The following ANXA13 variants were observed in gnomAD, a reference collection of about 807,000 sequenced individuals.
The protein encoded by ANXA13 is annexin XIII.
ANXA13 carries 36 observed loss-of-function variants against 46.6 expected under a neutral mutation model. The observed-to-expected ratio is 0.77, with a 90% confidence interval of 0.59 to 1.02. The LOEUF (loss-of-function observed/expected upper bound fraction) is 1.02. ANXA13 is among the 50% of genes least tolerant of loss of function. The pLI, the probability that ANXA13 is intolerant of heterozygous loss-of-function variation, is 0.00. For missense variants in ANXA13, 417 were observed against 396.5 expected (o/e 1.05, Z -0.44); for synonymous variants, 163 against 152.9 (o/e 1.07, Z -0.49).
rs200635935 is a variant in ANXA13 at position 123,698,604 on chromosome 8, A to T, written c.187-45T>A. 9 of 1,598,250 alleles carry T rather than the reference A, an allele frequency of 5.6e-6. No homozygotes were observed. The Admixed American group carries it at 1.3e-4, about 24-fold the overall frequency. ...GACGTGCTGGGAATGGCCCAGGAGG[A>T]GAGGGGCAGGTGTCTGCTTGCACTA... On this transcript the variant is annotated intron_variant, in intron 3 of 10. Transcript: ENST00000419625.
At chr8:123,703,252 C>A (rs968649392) in intron 2 of ANXA13, among the ~76,000 whole-genome samples, 1 of 151,620 alleles carries the variant, frequency 6.6e-6, no homozygotes, top group Admixed American at 6.6e-5. Context: ...AGAAGTCAAT[C>A]ATAGCAGATC....
At chr8:123,698,939 G>A (rs1229290170) in intron 3 of ANXA13, among the ~76,000 whole-genome samples, 1 of 152,172 alleles carries the variant, frequency 6.6e-6, no homozygotes, top group East Asian at 1.9e-4. Flanking sequence ...AGCTAGGAAG[G>A]GCTGAAATAC....
Position 123,681,125 on chromosome 8 carries a change from A to C in ANXA13, c.*115T>G. ...GGCTGCGCCACTTAAGCTGCCAAGA[A>C]AGTAATCCGGGACTCTTAAGGGTTT... On this transcript the variant is annotated 3_prime_UTR_variant, in exon 11 of 11. Coordinates refer to ENST00000419625, the MANE Select transcript of ANXA13 (RefSeq NM_004306.4). The C allele has an allele frequency of 7.2e-7, 1 of 1,391,394 alleles. No individual in the cohort carries two copies. The highest frequency in any genetic ancestry group is 9.6e-7 in the Non-Finnish European group (1 of 1,044,042). The allele number at this position is 1,391,394 out of a possible 1,614,324, so 86.2% of individuals were successfully genotyped here. A position where few individuals can be genotyped will look rare whatever the true frequency, so the allele number is the denominator to read the frequency against.
chr8:123,686,459 TAA>T (rs750752983), intron 9 of ANXA13, among the ~76,000 whole-genome samples: 6 of 124,876 alleles, frequency 4.8e-5, no homozygotes, highest in East Asian at 2.2e-4. Context: ...AACTGTGTCT[TAA>T]AAAAAAAAAA....
rs2129807803 is a variant in ANXA13 at position 123,681,439 on chromosome 8, A to C, written c.832-80T>G. On this transcript the variant is annotated intron_variant, in intron 10 of 10. Transcript: ENST00000419625. Reference sequence around the variant, plus strand: ...CAGTGGGCACTGTTCTACACATGTTATACTCATTTGCTCATTCATGCCTTA... The same window carrying C: ...CAGTGGGCACTGTTCTACACATGTTCTACTCATTTGCTCATTCATGCCTTA... 4 of 1,413,928 alleles carry C rather than the reference A, an allele frequency of 2.8e-6. 1 individual carries two copies. The South Asian group carries it at 5.6e-5, about 20-fold the overall frequency. The allele number at this position is 1,413,928 out of a possible 1,614,324, so 87.6% of individuals were successfully genotyped here.
chr8:123,705,303 G>A (rs17342215), intron 2 of ANXA13, among the ~76,000 whole-genome samples: 2 of 152,112 alleles, frequency 1.3e-5, no homozygotes, highest in South Asian at 4.1e-4. Context: ...TGGGAAGCTC[G>A]CATGTGTTCA....
chr8:123,707,072 C>T (rs1019969532), intron 2 of ANXA13, among the ~76,000 whole-genome samples: 1 of 152,210 alleles, frequency 6.6e-6, no homozygotes. Flanking sequence ...TGGCAAATTC[C>T]ACGGGAGCAG....
chr8:123,713,891 G>T (rs562615653), intron 1 of ANXA13, among the ~76,000 whole-genome samples: 1 of 152,132 alleles, frequency 6.6e-6, no homozygotes, highest in East Asian at 1.9e-4. Context: ...ATGGGGTTTT[G>T]CCATGTTTCC....
chr8:123,704,651 C>A (rs1199262264), intron 2 of ANXA13, among the ~76,000 whole-genome samples: 1 of 152,156 alleles, frequency 6.6e-6, no homozygotes, highest in Non-Finnish European at 1.5e-5. Flanking sequence ...CCTGCCTCAG[C>A]CTCTTAAAGT....
intron 1 of ANXA13, among the ~76,000 whole-genome samples, chr8:123,720,657 C>CGTGTGTGTGTGTGTGT (rs34135339): frequency 3.5e-5 from 5 of 141,522 alleles, no homozygotes; most frequent in Admixed American, 2.9e-4. Flanking sequence ...CCTGTGTCCC[C>CGTGTGTGTGTGTGTGT]GTGTGTGTGT....
At chr8:123,733,767 G>T (rs1437909146) in intron 1 of ANXA13, among the ~76,000 whole-genome samples, 1 of 152,116 alleles carries the variant, frequency 6.6e-6, no homozygotes, top group Non-Finnish European at 1.5e-5. Flanking sequence ...GAGCCACCTG[G>T]GGAGCACTTA....
intron 1 of ANXA13, among the ~76,000 whole-genome samples, chr8:123,721,242 C>T (rs1015693779): frequency 4.6e-5 from 7 of 152,070 alleles, no homozygotes; most frequent in Non-Finnish European, 5.9e-5. Context: ...GTAAACTTGC[C>T]TTGTATAGAT....
At chr8:123,694,373 T>C (rs1454091016) in intron 6 of ANXA13, among the ~76,000 whole-genome samples, 1 of 152,198 alleles carries the variant, frequency 6.6e-6, no homozygotes, top group East Asian at 1.9e-4. Context: ...AGATTATCCT[T>C]GGCCGGCCTG....
intron 1 of ANXA13, among the ~76,000 whole-genome samples, chr8:123,721,859 A>G (rs989668833): frequency 1.1e-4 from 16 of 152,206 alleles, no homozygotes; most frequent in African/African-American, 3.6e-4. Context: ...ATTACCTCCT[A>G]TTTTGCAGAT....
At position 123,722,262 on chromosome 8, in the gene ANXA13, G is replaced by A. The variant is rs770389221; in HGVS notation, c.16-9509C>T. On this transcript the variant is annotated intron_variant, in intron 1 of 10. Transcript: ENST00000419625. ...CAGGAAGTTGAGGTTGCAGTGAGCC[G>A]TGGTTGCACTACTACACTCCAGCCT... Among the ~76,000 whole-genome samples the A allele has an allele frequency of 7.9e-5, 12 of 151,874 alleles. No homozygotes were observed. In the South Asian group the frequency reaches 1.3e-3, roughly 16 times the overall value.
intron 4 of ANXA13, among the ~76,000 whole-genome samples, chr8:123,696,046 C>T (rs972824751): frequency 1.3e-5 from 2 of 152,144 alleles, no homozygotes; most frequent in Non-Finnish European, 2.9e-5. Flanking sequence ...GTCTCACTCT[C>T]TCTTCCCCAC....
At chr8:123,717,834 C>T (rs747256341) in intron 1 of ANXA13, among the ~76,000 whole-genome samples, 1 of 152,224 alleles carries the variant, frequency 6.6e-6, no homozygotes, top group African/African-American at 2.4e-5. Context: ...AAGTCCACAC[C>T]TTACGTAACC....
chr8:123,684,464 C>T lies in ANXA13; in HGVS notation c.831+146G>A, dbSNP rs574438772. ...AACAGATTGAAGCAGAGCACAATGT[C>T]TTCTGCAAATTCTGGGAAGGCAAGG... On this transcript the variant is annotated intron_variant, in intron 10 of 10. Transcript: ENST00000419625. The T allele has an allele frequency of 3.5e-4, 219 of 619,538 alleles. No individual in the cohort carries two copies. The African/African-American group carries it at 3.8e-3, about 11-fold the overall frequency. 38.4% of individuals were successfully genotyped at this position (619,538 alleles called of 1,614,324 possible). A position where few individuals can be genotyped will look rare whatever the true frequency, so the allele number is the denominator to read the frequency against.
chr8:123,715,666 C>A (rs1005584785), intron 1 of ANXA13, among the ~76,000 whole-genome samples: 3 of 152,216 alleles, frequency 2.0e-5, no homozygotes, highest in Non-Finnish European at 4.4e-5. Flanking sequence ...GCTTGCCAAG[C>A]CTGGTGCTGG....
Sources: gnomAD v4.1 joint callset for allele counts (sites outside exome capture counted in the v4.1 genomes callset) on GRCh38, gnomAD v4.1.1 for gene constraint, MANE v1.5 for transcripts, NCBI Gene and HGNC (gene_info 2026-07-23, HGNC 2026-07-21) for gene names.